The following KCNH7 variants were observed in gnomAD, a reference collection of about 807,000 sequenced individuals.
The protein encoded by KCNH7 is potassium voltage-gated channel subfamily H member 7.
KCNH7 carries 49 observed loss-of-function variants against 120.8 expected under a neutral mutation model. That is an observed-to-expected ratio of 0.41 (90% CI 0.32 to 0.51). KCNH7 has a LOEUF of 0.51. Ranked by LOEUF, KCNH7 falls within the 20% of genes least tolerant of loss-of-function variation. The pLI is 0.38. For missense variants in KCNH7, 1,097 were observed against 1,446.6 expected (o/e 0.76, Z 3.92); for synonymous variants, 547 against 516.1 (o/e 1.06, Z -0.81).
intron 2 of KCNH7, among the ~76,000 whole-genome samples, chr2:162,554,744 A>G (rs950192884): frequency 6.6e-6 from 1 of 151,992 alleles, no homozygotes; most frequent in Non-Finnish European, 1.5e-5. Context: ...TAACGACCCT[A>G]TGATTACACT....
chr2:162,445,313 A>C (rs1688542937), intron 7 of KCNH7, among the ~76,000 whole-genome samples: 1 of 152,154 alleles, frequency 6.6e-6, no homozygotes, highest in Non-Finnish European at 1.5e-5. Flanking sequence ...CCTTGGAACT[A>C]CTTTCAAGCA....
chr2:162,578,209 T>TA (rs2105912031), intron 2 of KCNH7, among the ~76,000 whole-genome samples: 1 of 152,076 alleles, frequency 6.6e-6, no homozygotes, highest in African/African-American at 2.4e-5. Context: ...GCTGAGACAA[T>TA]ACCAAAGAGG....
At chr2:162,544,195 G>A (rs1692402358) in intron 2 of KCNH7, among the ~76,000 whole-genome samples, 1 of 152,094 alleles carries the variant, frequency 6.6e-6, no homozygotes, top group African/African-American at 2.4e-5. Flanking sequence ...CCTTTAAAAA[G>A]CACACTGTGC....
chr2:162,648,715 A>AT (rs1167265449), intron 2 of KCNH7, among the ~76,000 whole-genome samples: 1 of 151,762 alleles, frequency 6.6e-6, no homozygotes, highest in Non-Finnish European at 1.5e-5. Flanking sequence ...TTTTTTTATG[A>AT]TTTTGTCTCT....
intron 1 of KCNH7, 90 bp downstream of exon 1, chr2:162,838,353 T>G: frequency 2.9e-6 from 3 of 1,038,166 alleles, no homozygotes; most frequent in East Asian, 4.8e-5. Context: ...GAGCCTGGAG[T>G]TGCCGGTCTC....
chr2:162,790,879 C>T (rs1683912847), intron 2 of KCNH7, among the ~76,000 whole-genome samples: 1 of 151,934 alleles, frequency 6.6e-6, no homozygotes, highest in African/African-American at 2.4e-5. Flanking sequence ...AAATCATACT[C>T]AATGGCGAAA....
chr2:162,708,754 A>C (rs901970037), intron 2 of KCNH7, among the ~76,000 whole-genome samples: 1 of 152,102 alleles, frequency 6.6e-6, no homozygotes, highest in African/African-American at 2.4e-5. Context: ...AAAGGAATCA[A>C]CATTACATAC....
intron 9 of KCNH7, among the ~76,000 whole-genome samples, chr2:162,408,657 T>C (rs530676658): frequency 6.6e-6 from 1 of 152,054 alleles, no homozygotes; most frequent in South Asian, 2.1e-4. Context: ...CTATCCCAAC[T>C]ATAAAAATAA....
intron 2 of KCNH7, among the ~76,000 whole-genome samples, chr2:162,717,685 C>T (rs939586750): frequency 2.6e-5 from 4 of 152,040 alleles, no homozygotes; most frequent in African/African-American, 4.8e-5. Flanking sequence ...CTTACCCTGA[C>T]TTTATATTAG....
At chr2:162,783,112 G>A (rs1340152385) in intron 2 of KCNH7, among the ~76,000 whole-genome samples, 1 of 152,162 alleles carries the variant, frequency 6.6e-6, no homozygotes, top group Non-Finnish European at 1.5e-5. Flanking sequence ...AGCCACAAAG[G>A]TAATAACATA....
chr2:162,422,766 G>A (rs796846581), intron 9 of KCNH7, among the ~76,000 whole-genome samples: 4 of 152,136 alleles, frequency 2.6e-5, no homozygotes, highest in African/African-American at 4.8e-5. Context: ...AAGGAAAGAC[G>A]CATTAAACCA....
chr2:162,423,711 T>C (rs1461597797), intron 8 of KCNH7, among the ~76,000 whole-genome samples, 176 bp from the exon 9 acceptor site: 3 of 152,192 alleles, frequency 2.0e-5, no homozygotes, highest in South Asian at 2.1e-4. Context: ...ATTTTAGTGA[T>C]AAAGCTGGAG....
At chr2:162,791,835 G>A (rs1224471029) in intron 2 of KCNH7, among the ~76,000 whole-genome samples, 1 of 152,136 alleles carries the variant, frequency 6.6e-6, no homozygotes, top group African/African-American at 2.4e-5. Context: ...GGATTAGTGA[G>A]AGAGGGCATC....
chr2:162,379,177 C>T (rs1017406309), intron 14 of KCNH7, among the ~76,000 whole-genome samples: 2 of 152,152 alleles, frequency 1.3e-5, no homozygotes, highest in African/African-American at 4.8e-5. Context: ...AACTAAAAGG[C>T]TACTATTGGA....
intron 7 of KCNH7, among the ~76,000 whole-genome samples, chr2:162,436,868 G>A (rs1211786319): frequency 6.6e-6 from 1 of 152,090 alleles, no homozygotes; most frequent in African/African-American, 2.4e-5. Context: ...CCAGTACTTT[G>A]GCAGGCTGAA....
chr2:162,439,224 C>T (rs1485786064), intron 7 of KCNH7, among the ~76,000 whole-genome samples: 4 of 151,946 alleles, frequency 2.6e-5, no homozygotes, highest in Admixed American at 6.6e-5. Flanking sequence ...AAAAAACTGT[C>T]TCTTAGATGG....
chr2:162,786,418 C>T (rs72875454), intron 2 of KCNH7, among the ~76,000 whole-genome samples: 3 of 152,170 alleles, frequency 2.0e-5, no homozygotes, highest in African/African-American at 4.8e-5. Context: ...AGAGGTAAGC[C>T]AATTGTCCAA....
Position 162,669,934 on chromosome 2 carries a change from T to C in KCNH7, c.308-132854A>G, listed in dbSNP as rs150809728. On this transcript the variant is annotated intron_variant, in intron 2 of 15. Coordinates refer to ENST00000332142, the MANE Select transcript of KCNH7 (RefSeq NM_033272.4). ...GGCCAACATGGTGAAACCCTGTCTC[T>C]ACTAAAAATACAAACATTAGCCAGG... 6.1e-4 allele frequency among the ~76,000 whole-genome samples: 92 copies of C among 151,584 alleles called. 1 individual carries two copies. Among genetic ancestry groups the C allele is most frequent in the African/African-American group, 2.2e-3 (91 of 41,314 alleles).
chr2:162,441,236 C>G (rs1010771168), intron 7 of KCNH7, among the ~76,000 whole-genome samples: 3 of 152,056 alleles, frequency 2.0e-5, no homozygotes, highest in Non-Finnish European at 2.9e-5. Context: ...AAAAGTTGAA[C>G]ATGATTATAT....
Sources: allele counts gnomAD v4.1 joint callset (sites outside exome capture counted in the v4.1 genomes callset), GRCh38; gene constraint gnomAD v4.1.1; transcripts MANE v1.5; gene names NCBI Gene and HGNC (gene_info 2026-07-23, HGNC 2026-07-21).